MYO15A: variants seen among roughly 807,000 people sequenced by gnomAD.
MYO15A encodes the protein unconventional myosin-XV.
In MYO15A, 308 loss-of-function variants were observed where a neutral mutation model predicts 394.6. That is an observed-to-expected ratio of 0.78 (90% CI 0.71 to 0.86). The LOEUF is 0.86. Among genes scored for constraint, MYO15A ranks in the 40% least tolerant of loss-of-function variants. The pLI, the probability that MYO15A is intolerant of heterozygous loss-of-function variation, is 0.00. For synonymous variants in MYO15A, 1,957 were observed against 2,003.8 expected (o/e 0.98, Z 0.62); for missense variants, 4,606 against 4,799.1 (o/e 0.96, Z 1.19).
intron 1 of MYO15A, among the ~76,000 whole-genome samples, chr17:18,115,162 A>G (rs1380167046): frequency 6.6e-6 from 1 of 152,162 alleles, no homozygotes. Context: ...AAATCCTGTC[A>G]GTCCTACCTG....
chr17:18,120,785 C>A lies in MYO15A; in HGVS notation c.1985C>A (p.Ser662Tyr), dbSNP rs2045906666. 14 of 1,378,320 alleles carry A rather than the reference C, an allele frequency of 1.0e-5. No individual in the cohort carries two copies. Among genetic ancestry groups the A allele is most frequent in the Non-Finnish European group, 1.3e-5 (14 of 1,072,814 alleles). 85.4% of individuals were successfully genotyped at this position (1,378,320 alleles called of 1,614,324 possible). A position where few individuals can be genotyped will look rare whatever the true frequency, so the allele number is the denominator to read the frequency against. ...RTLSHWSALLSPPVPPRPPSS... is the reference protein window; with the variant it reads ...RTLSHWSALLYPPVPPRPPSS... ...CTCTCCCACTGGAGCGCGCTCCTGT[C>A]TCCGCCCGTGCCCCCGCGGCCCCCA... Residue 662 changes from serine (S) to tyrosine (Y), a missense_variant, in exon 2 of 66, where the codon TCT becomes TAT. Ser to Tyr is a moderately radical substitution (Grantham distance 144). Around this residue, in one of 2 missense-constraint regions of MYO15A, gnomAD observed 1,830 missense variants for 1,689.7 expected, o/e 1.08. Transcript: ENST00000647165.
In MYO15A at chr17:18,142,724, C is replaced by T. The variant is rs528613072; in HGVS notation, c.5826-32C>T. The T allele has an allele frequency of 1.2e-4, 195 of 1,598,986 alleles. 5 individuals are homozygous for T. The South Asian group carries it at 1.9e-3, about 16-fold the overall frequency. ...TGGTCACCCTGTCACCCTGTGGCCC[C>T]AATCCCTGACCTCCCCACTACCCCA... On this transcript the variant is annotated intron_variant, in intron 24 of 65. Transcript: ENST00000647165.
At chr17:18,115,808 C>T (rs2045776896) in intron 1 of MYO15A, among the ~76,000 whole-genome samples, 1 of 152,110 alleles carries the variant, frequency 6.6e-6, no homozygotes, top group South Asian at 2.1e-4. Context: ...GTCTGCTCCT[C>T]CACCTGCTTG....
Position 18,143,905 on chromosome 17 carries a change from G to A in MYO15A, c.6082G>A (p.Val2028Met). Residue 2028 changes from valine (V) to methionine (M), a missense_variant, in exon 28 of 66, where the codon GTG becomes ATG. Transcript: ENST00000647165. ...GGCCCAGGTGCCTCAGGTGGCCCCT[G>A]TGAGGACTCCTCGACTCCAGGCTGA... ...GLAQVPQVAP[V>M]RTPRLQAEPR... The A allele has an allele frequency of 1.3e-6, 2 of 1,597,792 alleles. No homozygotes were observed. The highest frequency in any genetic ancestry group is 1.7e-6 in the Non-Finnish European group (2 of 1,171,482).
chr17:18,136,091 C>G (rs956892428), intron 13 of MYO15A, among the ~76,000 whole-genome samples: 1 of 152,224 alleles, frequency 6.6e-6, no homozygotes, highest in African/African-American at 2.4e-5. Flanking sequence ...ATCCCCTCCT[C>G]TAAGAAGCCT....
chr17:18,154,071 G>A (rs1425035338), intron 43 of MYO15A, 60 bp from the exon 44 acceptor site: 56 of 1,607,784 alleles, frequency 3.5e-5, no homozygotes, highest in Non-Finnish European at 4.7e-5. Flanking sequence ...GGGCGGGGCC[G>A]GGTGTGAAGC....
Position 18,119,246 on chromosome 17 carries a change from C to A in MYO15A, c.446C>A (p.Ser149Ter), listed in dbSNP as rs746042803. The change falls in exon 2 of 66, where the codon TCG becomes TAG. Residue 149 changes from serine (S) to a stop codon, truncating the protein, a stop_gained. Coordinates refer to ENST00000647165, the MANE Select transcript of MYO15A (RefSeq NM_016239.4). LOFTEE classifies it high-confidence loss of function. ...KKFLLKKAEESGSEQATVDAW... is the reference protein window; with the variant it reads ...KKFLLKKAEE ...TTCCTCCTCAAGAAGGCCGAGGAGT[C>A]GGGCAGCGAACAGGCCACAGTGGAC... 1 of 1,612,266 alleles carries A rather than the reference C, an allele frequency of 6.2e-7. No individual in the cohort carries two copies. The highest frequency in any genetic ancestry group is 8.5e-7 in the Non-Finnish European group (1 of 1,179,900).
At chr17:18,162,483 T>C in intron 57 of MYO15A, 102 bp from the exon 58 acceptor site, 1 of 1,027,100 alleles carries the variant, frequency 9.7e-7, no homozygotes, top group Non-Finnish European at 1.5e-6. Context: ...TCCCCACAGC[T>C]TGTGGAGAGA....
chr17:18,120,021 G>A lies in MYO15A; in HGVS notation c.1221G>A (p.Ser407=), dbSNP rs754939185. 5.0e-6 allele frequency: 8 copies of A among 1,613,464 alleles called. No individual in the cohort carries two copies. The highest frequency in any genetic ancestry group is 1.3e-5 in the African/African-American group (1 of 74,896). The change falls in exon 2 of 66, where the codon TCG becomes TCA. Residue 407 remains serine, a synonymous_variant. Transcript: ENST00000647165. The stretch of plus-strand genomic sequence containing the variant: ...ATTTTTACCCGGAGGAGTCGGCTTC[G>A]GCCTTTGTGTACCCCTGGGTACCAC... The part of the protein sequence containing the change: ...VPYFYPEESA[S]AFVYPWVPPP...
Position 18,162,682 on chromosome 17 carries a change from G to T in MYO15A, c.9612+3G>T. The T allele has an allele frequency of 6.2e-7, 1 of 1,613,804 alleles. No individual in the cohort carries two copies. Among genetic ancestry groups the T allele is most frequent in the South Asian group, 1.1e-5 (1 of 91,060 alleles). On this transcript the variant is annotated splice_donor_region_variant and intron_variant, in intron 58 of 65. Coordinates refer to ENST00000647165, the MANE Select transcript of MYO15A (RefSeq NM_016239.4). ...GCATAGAGCTTCGGGCCATGTTGGT[G>T]AGCATAGGGTGGGAGTGGGTTCAAA...
At chr17:18,126,992 C>G in intron 6 of MYO15A, 83 bp from the exon 7 acceptor site, 1 of 1,598,398 alleles carries the variant, frequency 6.3e-7, no homozygotes, top group South Asian at 1.1e-5. Flanking sequence ...CCGTACATAT[C>G]CTCTTGCTTC....
At chr17:18,140,469 T>A in intron 19 of MYO15A, 48 bp from the exon 20 acceptor site, 1 of 1,612,288 alleles carries the variant, frequency 6.2e-7, no homozygotes, top group Non-Finnish European at 8.5e-7. Context: ...CTCATTTCGG[T>A]CTCCCGGACC....
At chr17:18,115,836 C>G (rs764308521) in intron 1 of MYO15A, among the ~76,000 whole-genome samples, 2 of 152,174 alleles carry the variant, frequency 1.3e-5, no homozygotes, top group Non-Finnish European at 2.9e-5. Context: ...GCACTGCCCA[C>G]AGGCTCTCTC....
At chr17:18,159,839 G>A (rs1172519579) in intron 55 of MYO15A, 96 bp from the exon 56 acceptor site, 4 of 1,480,912 alleles carry the variant, frequency 2.7e-6, no homozygotes, top group Non-Finnish European at 3.7e-6. Flanking sequence ...AGGGACACCA[G>A]GCCTGTCTTC....
At position 18,120,102 on chromosome 17, in the gene MYO15A, G is replaced by C. The variant is rs2045883358; in HGVS notation, c.1302G>C (p.Glu434Asp). 1 of 1,612,558 alleles carries C rather than the reference G, an allele frequency of 6.2e-7. No homozygotes were observed. Among genetic ancestry groups the C allele is most frequent in the East Asian group, 2.2e-5 (1 of 44,852 alleles). ...CCCACGCCATGGATGACATCGCCGA[G>C]CTGGAGGAACCAGAGGACGCGGGCG... ...PYAHAMDDIAELEEPEDAGVE... is the reference protein window; with the variant it reads ...PYAHAMDDIADLEEPEDAGVE... The change falls in exon 2 of 66, where the codon GAG becomes GAC. Residue 434 changes from glutamate (E) to aspartate (D), a missense_variant. Coordinates refer to ENST00000647165, the MANE Select transcript of MYO15A (RefSeq NM_016239.4).
At chr17:18,158,875 TAG>T in intron 52 of MYO15A, 48 bp from the exon 53 acceptor site, 1 of 1,604,574 alleles carries the variant, frequency 6.2e-7, no homozygotes, top group South Asian at 1.1e-5. Context: ...GAAAAGGATG[TAG>T]CCAAGGCTTG....
chr17:18,136,981 C>T (rs2046291070), intron 15 of MYO15A, among the ~76,000 whole-genome samples: 1 of 152,222 alleles, frequency 6.6e-6, no homozygotes, highest in Non-Finnish European at 1.5e-5. Flanking sequence ...GGGAAGGCTT[C>T]CTGGATGAGG....
chr17:18,168,362 G>T (rs867529498), intron 62 of MYO15A, among the ~76,000 whole-genome samples: 1 of 151,872 alleles, frequency 6.6e-6, no homozygotes, highest in Non-Finnish European at 1.5e-5. Context: ...TCAGGAGATC[G>T]AGACCATCCT....
In MYO15A at chr17:18,136,443, G is replaced by GC; in HGVS notation, c.4627dup (p.Leu1543ProfsTer59). 6.2e-7 allele frequency: 1 copy of GC among 1,613,782 alleles called. No individual in the cohort carries two copies. The highest frequency in any genetic ancestry group is 8.5e-7 in the Non-Finnish European group (1 of 1,180,034). On this transcript the variant is annotated frameshift_variant, in exon 14 of 66. Coordinates refer to ENST00000647165, the MANE Select transcript of MYO15A (RefSeq NM_016239.4). LOFTEE classifies it high-confidence loss of function. ...AGACAATGCGAGAGAAGATCTTCAC[G>GC]CCCCTAACTGTGGAGAGCGCTGTGG...
Sources: allele counts gnomAD v4.1 joint callset (sites outside exome capture counted in the v4.1 genomes callset), GRCh38; gene constraint gnomAD v4.1.1; regional missense constraint gnomAD v4.1.1; transcripts MANE v1.5; gene names NCBI Gene and HGNC (gene_info 2026-07-23, HGNC 2026-07-21).